SESTD1: variants seen among roughly 807,000 people sequenced by gnomAD.
SESTD1 encodes the protein SEC14 domain and spectrin repeat-containing protein 1.
SESTD1 carries 43 observed loss-of-function variants against 101.7 expected under a neutral mutation model. That is an observed-to-expected ratio of 0.42 (90% CI 0.33 to 0.55). The LOEUF (loss-of-function observed/expected upper bound fraction) is 0.55, where lower values mean the gene tolerates loss of function less well. Among genes scored for constraint, SESTD1 ranks in the 20% least tolerant of loss-of-function variants. The pLI, the probability that SESTD1 is intolerant of heterozygous loss-of-function variation, is 0.07. For missense variants in SESTD1, 647 were observed against 815.1 expected, an observed-to-expected ratio of 0.79 and a Z score of 2.51; for synonymous variants, 283 against 286.8, an observed-to-expected ratio of 0.99 and a Z score of 0.13.
chr2:179,176,564 A>G, intron 3 of SESTD1, 26 bp from the exon 4 acceptor site: 5 of 1,581,828 alleles, frequency 3.2e-6, no homozygotes, highest in South Asian at 1.1e-5. Flanking sequence ...ATTACAAAGC[A>G]TTAAAACAAG....
chr2:179,234,132 G>A (rs1222585507), intron 1 of SESTD1, among the ~76,000 whole-genome samples: 2 of 152,158 alleles, frequency 1.3e-5, no homozygotes, highest in African/African-American at 4.8e-5. Flanking sequence ...CTCAGTAAGA[G>A]GCATTCCTCC....
intron 1 of SESTD1, among the ~76,000 whole-genome samples, chr2:179,228,656 A>G (rs778207368): frequency 2.0e-5 from 3 of 152,228 alleles, no homozygotes; most frequent in Non-Finnish European, 4.4e-5. Context: ...ATGAAGTTTC[A>G]TAACTCATGG....
At chr2:179,149,252 A>T in intron 7 of SESTD1, 45 bp downstream of exon 7, 2 of 1,335,748 alleles carry the variant, frequency 1.5e-6, no homozygotes, top group Non-Finnish European at 2.1e-6. Flanking sequence ...TATCAGAATA[A>T]TTATAGTTTT....
At chr2:179,112,668 ATTTCAC>A in intron 17 of SESTD1, 50 bp downstream of exon 17, 1 of 1,495,078 alleles carries the variant, frequency 6.7e-7, no homozygotes, top group Non-Finnish European at 8.9e-7. Flanking sequence ...TCTTTTAATG[ATTTCAC>A]TTTAAGACCA....
chr2:179,174,808 G>A (rs2045982604), intron 4 of SESTD1, among the ~76,000 whole-genome samples: 1 of 152,074 alleles, frequency 6.6e-6, no homozygotes, highest in Admixed American at 6.6e-5. Context: ...AAGTAGCCAG[G>A]TGTGGTGGCG....
chr2:179,194,975 C>T (rs2046368395), intron 1 of SESTD1, among the ~76,000 whole-genome samples: 1 of 152,152 alleles, frequency 6.6e-6, no homozygotes, highest in Admixed American at 6.5e-5. Context: ...CCTTCAAGTT[C>T]TTCAGTAATT....
chr2:179,183,344 T>A (rs12693176), intron 2 of SESTD1, among the ~76,000 whole-genome samples, 156 bp from the exon 3 acceptor site: 3 of 151,896 alleles, frequency 2.0e-5, no homozygotes, highest in African/African-American at 7.3e-5. Context: ...ATTTTTATGA[T>A]AGTATAGAAG....
chr2:179,126,850 G>A (rs1050927746), intron 10 of SESTD1, among the ~76,000 whole-genome samples: 1 of 151,926 alleles, frequency 6.6e-6, no homozygotes, highest in African/African-American at 2.4e-5. Context: ...AAGGCCAAAA[G>A]CCTGATTCTT....
At chr2:179,181,463 C>G (rs16866672) in intron 3 of SESTD1, among the ~76,000 whole-genome samples, 6,716 of 152,242 alleles carry the variant, frequency 0.044, 496 homozygotes, top group African/African-American at 0.15. Context: ...CACCCTCAGG[C>G]ATTTTTCAAG....
chr2:179,233,949 T>C (rs965577853), intron 1 of SESTD1, among the ~76,000 whole-genome samples: 4 of 152,220 alleles, frequency 2.6e-5, no homozygotes, highest in Non-Finnish European at 2.9e-5. Context: ...AGGTGTTGAC[T>C]TGACTGGGCC....
chr2:179,223,415 A>G (rs2046840794), intron 1 of SESTD1, among the ~76,000 whole-genome samples: 1 of 152,172 alleles, frequency 6.6e-6, no homozygotes. Flanking sequence ...AAAATAGGTG[A>G]AATTCATGAT....
At position 179,112,832 on chromosome 2, in the gene SESTD1, C is replaced by A. The variant is rs2044539467; in HGVS notation, c.1853G>T (p.Cys618Phe). The stretch of plus-strand genomic sequence containing the variant: ...ATTAATAGCTTCAGGCTCTTCTGGA[C>A]AGTCCTGCAAAATCTGCAACAAATA... ...HSNAEKILQD[C>F]PEEPEAINDE... is the part of the protein sequence containing the mutation. The change falls in exon 17 of 18, where the codon TGT (cysteine) becomes TTT (phenylalanine). Residue 618 changes from cysteine (C) to phenylalanine (F), a missense_variant. By Grantham distance (205) the Cys-to-Phe change is radical. This residue lies in a region of SESTD1 where 476 missense variants were observed against 562.6 expected (regional missense o/e 0.85). Transcript: ENST00000428443. The A allele has an allele frequency of 1.9e-6, 3 of 1,611,064 alleles. No homozygotes were observed. The African/African-American group carries it at 4.0e-5, about 22-fold the overall frequency.
chr2:179,163,938 T>C (rs917338279), intron 5 of SESTD1, among the ~76,000 whole-genome samples: 1 of 152,222 alleles, frequency 6.6e-6, no homozygotes, highest in Non-Finnish European at 1.5e-5. Flanking sequence ...ATACTTATCC[T>C]TTCCTAGTAA....
At chr2:179,199,997 A>T (rs1470178829) in intron 1 of SESTD1, among the ~76,000 whole-genome samples, 1 of 152,188 alleles carries the variant, frequency 6.6e-6, no homozygotes, top group Non-Finnish European at 1.5e-5. Context: ...CCCTGTTTGC[A>T]GACGACATGA....
At chr2:179,114,532 T>G (rs994217763) in intron 16 of SESTD1, among the ~76,000 whole-genome samples, 17 of 152,218 alleles carry the variant, frequency 1.1e-4, no homozygotes, top group Non-Finnish European at 2.9e-5. Context: ...ATATTTTATT[T>G]TTTGTTTCTG....
At chr2:179,255,041 T>A (rs1373516201) in intron 1 of SESTD1, among the ~76,000 whole-genome samples, 3 of 152,200 alleles carry the variant, frequency 2.0e-5, no homozygotes, top group African/African-American at 7.2e-5. Flanking sequence ...CAAACCCATA[T>A]AAGATGGCGA....
intron 17 of SESTD1, among the ~76,000 whole-genome samples, chr2:179,110,868 TAA>T (rs1282483149): frequency 2.0e-5 from 3 of 152,194 alleles, no homozygotes; most frequent in Non-Finnish European, 4.4e-5. Flanking sequence ...AATATGAATA[TAA>T]AGTGGAATAA....
At chr2:179,153,763 A>G (rs1476662402) in intron 5 of SESTD1, among the ~76,000 whole-genome samples, 1 of 152,196 alleles carries the variant, frequency 6.6e-6, no homozygotes, top group Admixed American at 6.5e-5. Flanking sequence ...AAAAGCTATC[A>G]AAGACTACTA....
intron 1 of SESTD1, among the ~76,000 whole-genome samples, chr2:179,207,538 C>T (rs1156555758): frequency 1.5e-5 from 2 of 134,972 alleles, no homozygotes; most frequent in Non-Finnish European, 3.2e-5. Context: ...AGAGGGGAGA[C>T]CTAAAGACAG....
Sources: allele counts gnomAD v4.1 joint callset (sites outside exome capture counted in the v4.1 genomes callset), GRCh38; gene constraint gnomAD v4.1.1; regional missense constraint gnomAD v4.1.1; transcripts MANE v1.5; gene names NCBI Gene and HGNC (gene_info 2026-07-23, HGNC 2026-07-21).